Variants in RGS8 observed in about 807,000 individuals in gnomAD.
The protein encoded by RGS8 is regulator of G-protein signaling 8.
A neutral mutation model predicts 21.7 loss-of-function variants in RGS8; 8 were observed. The observed-to-expected ratio is 0.37, with a 90% CI of 0.22 to 0.66. The LOEUF is 0.66. Among genes scored for constraint, RGS8 ranks in the 30% least tolerant of loss-of-function variants. The pLI, the probability that RGS8 is intolerant of heterozygous loss-of-function variation, is 0.59. For synonymous variants in RGS8, 80 were observed against 83.6 expected, an observed-to-expected ratio of 0.96 and a Z score of 0.24; for missense variants, 157 against 217.9, an observed-to-expected ratio of 0.72 and a Z score of 1.76.
chr1:182,709,366 T>TCACA, the RGS8 span, among the ~76,000 whole-genome samples: 1 of 151,302 alleles, frequency 6.6e-6, no homozygotes, highest in Non-Finnish European at 1.5e-5. Flanking sequence ...GCTCTCTCTC[T>TCACA]CACACACACA....
At chr1:182,737,595 T>C in the RGS8 span, among the ~76,000 whole-genome samples, 98,071 of 152,046 alleles carry the variant, frequency 0.65, 32,151 homozygotes, top group African/African-American at 0.77. Context: ...TTTTGCTCCT[T>C]CTTTACCTTC....
intron 5 of RGS8, among the ~76,000 whole-genome samples, chr1:182,665,447 A>G (rs1323548197): frequency 1.3e-5 from 2 of 152,208 alleles, no homozygotes; most frequent in Non-Finnish European, 2.9e-5. Context: ...TAAAATGTAT[A>G]CTCAGTAAGA....
chr1:182,735,345 A>T, the RGS8 span, among the ~76,000 whole-genome samples: 1 of 152,242 alleles, frequency 6.6e-6, no homozygotes, highest in African/African-American at 2.4e-5. Flanking sequence ...AAAATTTAAC[A>T]TTAGGAAAAC....
the RGS8 span, among the ~76,000 whole-genome samples, chr1:182,714,823 T>A: frequency 6.6e-6 from 1 of 152,204 alleles, no homozygotes; most frequent in Non-Finnish European, 1.5e-5. Flanking sequence ...AGATGTTTCA[T>A]TTTCAGAAGC....
chr1:182,698,841 A>G, the RGS8 span, among the ~76,000 whole-genome samples: 8 of 152,202 alleles, frequency 5.3e-5, no homozygotes, highest in African/African-American at 1.9e-4. Context: ...TTACTTCGTA[A>G]GCACAGAATT....
intron 5 of RGS8, among the ~76,000 whole-genome samples, chr1:182,655,547 G>C (rs1188052408): frequency 1.3e-5 from 2 of 152,148 alleles, no homozygotes; most frequent in Non-Finnish European, 2.9e-5. Flanking sequence ...TCATTACCTG[G>C]CAGCCTGCTG....
chr1:182,686,102 C>T (rs564671948), upstream of RGS8, among the ~76,000 whole-genome samples: 1 of 152,040 alleles, frequency 6.6e-6, no homozygotes, highest in Non-Finnish European at 1.5e-5. Flanking sequence ...CAAGCAGAGT[C>T]GACTGGGCTA....
chr1:182,685,200 C>A (rs961002552), upstream of RGS8, among the ~76,000 whole-genome samples: 1 of 152,196 alleles, frequency 6.6e-6, no homozygotes, highest in African/African-American at 2.4e-5. Flanking sequence ...ACCACCTGCC[C>A]ATCCTGTGGC....
At chr1:182,724,012 G>T in the RGS8 span, among the ~76,000 whole-genome samples, 1 of 151,578 alleles carries the variant, frequency 6.6e-6, no homozygotes, top group Non-Finnish European at 1.5e-5. Flanking sequence ...AACTTGATTG[G>T]ATTGAAGTAT....
At chr1:182,710,350 C>A in the RGS8 span, among the ~76,000 whole-genome samples, 1 of 152,120 alleles carries the variant, frequency 6.6e-6, no homozygotes, top group Non-Finnish European at 1.5e-5. Flanking sequence ...GCAGGGACAC[C>A]CCTACCCTCT....
chr1:182,719,716 AC>A, the RGS8 span, among the ~76,000 whole-genome samples: 1 of 151,574 alleles, frequency 6.6e-6, no homozygotes, highest in East Asian at 1.9e-4. Flanking sequence ...GGCATGAGCC[AC>A]CACACCCGAC....
At chr1:182,646,636 C>A in exon 7 of RGS8, 2 of 1,156,074 alleles carry the variant, frequency 1.7e-6, no homozygotes, top group South Asian at 1.5e-5. Flanking sequence ...ACCCCCAATG[C>A]CACCGCTTTT....
At chr1:182,710,635 T>C in the RGS8 span, among the ~76,000 whole-genome samples, 11 of 152,008 alleles carry the variant, frequency 7.2e-5, no homozygotes, top group Non-Finnish European at 1.5e-4. Context: ...TAATGGGGAA[T>C]AGGTGAGCTC....
chr1:182,704,432 T>C, the RGS8 span, among the ~76,000 whole-genome samples: 1 of 152,204 alleles, frequency 6.6e-6, no homozygotes, highest in Non-Finnish European at 1.5e-5. Context: ...ATTCCCGGAA[T>C]CTGCATTACA....
the RGS8 span, among the ~76,000 whole-genome samples, chr1:182,720,351 G>C: frequency 1.7e-4 from 26 of 152,198 alleles, no homozygotes; most frequent in South Asian, 8.3e-4. Context: ...AAGTTATCTC[G>C]CAAAAATCTT....
chr1:182,733,631 A>T, the RGS8 span, among the ~76,000 whole-genome samples: 1 of 152,154 alleles, frequency 6.6e-6, no homozygotes, highest in African/African-American at 2.4e-5. Context: ...CAGCCTGAGG[A>T]TTGAGGAAGC....
chr1:182,702,679 A>G, the RGS8 span, among the ~76,000 whole-genome samples: 28 of 152,354 alleles, frequency 1.8e-4, no homozygotes, highest in African/African-American at 6.7e-4. Context: ...CTAATTAGAT[A>G]TTACCTGTAT....
downstream of RGS8, chr1:182,645,564 T>A (rs1405037640): frequency 6.6e-6 from 1 of 152,252 alleles, no homozygotes; most frequent in Non-Finnish European, 1.5e-5. Flanking sequence ...TTCACAGTGA[T>A]CTTCTTAGCC....
chr1:182,694,071 G>A, the RGS8 span, among the ~76,000 whole-genome samples: 24 of 150,906 alleles, frequency 1.6e-4, no homozygotes, highest in Admixed American at 1.4e-3. Context: ...AAACCCCCAC[G>A]ACACACAGTT....
Sources: allele counts gnomAD v4.1 joint callset (sites outside exome capture counted in the v4.1 genomes callset), GRCh38; gene constraint gnomAD v4.1.1; transcripts MANE v1.5; gene names NCBI Gene and HGNC (gene_info 2026-07-23, HGNC 2026-07-21).